The following HDAC9 variants were observed in gnomAD, a reference collection of about 807,000 sequenced individuals.
HDAC9 encodes histone deacetylase 9, also known as MEF-2 interacting transcription repressor (MITR) protein.
A neutral mutation model predicts 139.4 loss-of-function variants in HDAC9; 41 were observed. The ratio of observed to expected loss-of-function variants is 0.29; its 90% confidence interval spans 0.23 to 0.38. The LOEUF (loss-of-function observed/expected upper bound fraction) is 0.38. Ranked by LOEUF, HDAC9 falls within the 10% of genes least tolerant of loss-of-function variation. The probability of loss-of-function intolerance (pLI) is 1.00; values close to 1 mark genes in which losing one functional copy is unlikely to be tolerated. For missense variants in HDAC9, 1,147 were observed against 1,297.0 expected (o/e 0.88, Z 1.78); for synonymous variants, 517 against 476.2 (o/e 1.09, Z -1.12).
intron 24 of HDAC9, among the ~76,000 whole-genome samples, chr7:18,967,825 C>T (rs1342242296): frequency 6.6e-6 from 1 of 152,012 alleles, no homozygotes; most frequent in African/African-American, 2.4e-5. Flanking sequence ...AAATAAAATA[C>T]ACTGTTTTAG....
At chr7:18,856,776 A>C (rs1797713160) in intron 21 of HDAC9, among the ~76,000 whole-genome samples, 1 of 152,150 alleles carries the variant, frequency 6.6e-6, no homozygotes, top group Admixed American at 6.6e-5. Context: ...GGTGAATGTG[A>C]ACAATACAAT....
Position 18,357,322 on chromosome 7 carries a change from A to T in HDAC9, c.-42+66807A>T, listed in dbSNP as rs183390712. On this transcript the variant is annotated intron_variant, in intron 1 of 3. Coordinates refer to the HDAC9 transcript ENST00000413509. Reference sequence around the variant, plus strand: ...TGAACAGACCTTTAAGCTGTGATTTAAAAAAATCGTATTTGGGTGATCCTA... The same window carrying T: ...TGAACAGACCTTTAAGCTGTGATTTTAAAAAATCGTATTTGGGTGATCCTA... 7.9e-5 allele frequency among the ~76,000 whole-genome samples: 12 copies of T among 152,260 alleles called. No homozygotes were observed. The East Asian group carries it at 9.6e-4, about 12-fold the overall frequency.
At chr7:18,246,181 C>T (rs138425221) in intron 2 of HDAC9, among the ~76,000 whole-genome samples, 8 of 148,856 alleles carry the variant, frequency 5.4e-5, no homozygotes, top group Non-Finnish European at 8.9e-5. Context: ...AAGGGAGATA[C>T]AGAGTAAGGA....
At chr7:18,929,767 G>A (rs558224969) in intron 22 of HDAC9, among the ~76,000 whole-genome samples, 11 of 151,924 alleles carry the variant, frequency 7.2e-5, no homozygotes, top group Admixed American at 2.0e-4. Flanking sequence ...TGGTGAAACC[G>A]CGTCTCTACT....
intron 2 of HDAC9, among the ~76,000 whole-genome samples, chr7:18,511,470 G>A (rs551433544): frequency 2.6e-5 from 4 of 152,250 alleles, no homozygotes; most frequent in African/African-American, 9.6e-5. Context: ...AGTGGTTCAT[G>A]CCTTTAATTC....
Position 18,647,026 on chromosome 7 carries a change from T to A in HDAC9, c.1036-759T>A, listed in dbSNP as rs561028043. ...TATTTTAAGAATTTAATTTAAAAAA[T>A]TAAACATTGGACACTTACAGCTCTG... On this transcript the variant is annotated intron_variant, in intron 9 of 25. Transcript: ENST00000686413. Among the ~76,000 whole-genome samples the A allele has an allele frequency of 8.5e-5, 13 of 152,248 alleles. No homozygotes were observed. The South Asian group carries it at 2.5e-3, about 29-fold the overall frequency.
At position 18,107,159 on chromosome 7, in the gene HDAC9, T is replaced by G. The variant is rs183242081; in HGVS notation, c.-97+19946T>G. 4.7e-5 allele frequency among the ~76,000 whole-genome samples: 7 copies of G among 149,396 alleles called. No homozygotes were observed. The East Asian group carries it at 1.4e-3, about 30-fold the overall frequency. ...CCCCTCTCCCCTGCCCTGTGTAGAT[T>G]AGGAGCAAACCTAGGGTGTTTGCGC... On this transcript the variant is annotated intron_variant, in intron 1 of 12. Transcript: ENST00000417496.
chr7:18,444,189 A>AG (rs1792069330), intron 1 of HDAC9, among the ~76,000 whole-genome samples: 1 of 151,728 alleles, frequency 6.6e-6, no homozygotes, highest in Non-Finnish European at 1.5e-5. Context: ...AAATACAAAA[A>AG]TTAGCCAAGC....
At chr7:18,296,424 T>TTGTGTG (rs60293429) in intron 1 of HDAC9, among the ~76,000 whole-genome samples, 7 of 150,496 alleles carry the variant, frequency 4.7e-5, no homozygotes, top group African/African-American at 1.5e-4. Context: ...TAGCTCATAT[T>TTGTGTG]TGTGTGTGTG....
intron 23 of HDAC9, among the ~76,000 whole-genome samples, chr7:18,941,625 C>T (rs973731715): frequency 6.6e-6 from 1 of 152,082 alleles, no homozygotes; most frequent in Non-Finnish European, 1.5e-5. Context: ...AAATAGTTGC[C>T]ATTCATGAGT....
chr7:18,723,764 G>A (rs965234806), intron 12 of HDAC9, among the ~76,000 whole-genome samples: 2 of 151,748 alleles, frequency 1.3e-5, no homozygotes, highest in African/African-American at 2.4e-5. Flanking sequence ...GAGTCCTTAC[G>A]GTATCAAACT....
At chr7:18,475,100 G>T (rs1225032079) in intron 1 of HDAC9, among the ~76,000 whole-genome samples, 1 of 152,218 alleles carries the variant, frequency 6.6e-6, no homozygotes, top group Non-Finnish European at 1.5e-5. Flanking sequence ...TAGTGTCATG[G>T]TCAGGAGGAA....
chr7:18,793,300 T>A (rs1792495059), intron 16 of HDAC9, 45 bp from the exon 17 acceptor site: 1 of 1,334,974 alleles, frequency 7.5e-7, no homozygotes, highest in Admixed American at 2.0e-5. Flanking sequence ...TCCTTCTCTT[T>A]CGCTTTCTTC....
At chr7:18,131,510 T>C (rs1002823122) in intron 1 of HDAC9, among the ~76,000 whole-genome samples, 1 of 152,230 alleles carries the variant, frequency 6.6e-6, no homozygotes, top group African/African-American at 2.4e-5. Flanking sequence ...AATCTTCATT[T>C]GTTTTTGGCT....
chr7:18,442,445 G>A (rs1026521295), intron 1 of HDAC9, among the ~76,000 whole-genome samples: 1 of 152,162 alleles, frequency 6.6e-6, no homozygotes, highest in Non-Finnish European at 1.5e-5. Flanking sequence ...TCAAAGCTGA[G>A]ACTTCCACTC....
intron 1 of HDAC9, among the ~76,000 whole-genome samples, chr7:18,372,754 G>A (rs1367001983): frequency 6.6e-6 from 1 of 151,382 alleles, no homozygotes; most frequent in Non-Finnish European, 1.5e-5. Context: ...AACAGCTTCT[G>A]GCAGACTTGG....
rs534602237 is a variant in HDAC9 at position 18,646,537 on chromosome 7, G to C, written c.1036-1248G>C. 6.2e-4 allele frequency among the ~76,000 whole-genome samples: 94 copies of C among 152,214 alleles called. 1 individual carries two copies. The highest frequency in any genetic ancestry group is 2.1e-3 in the African/African-American group (88 of 41,562). ...ACATTGAATACTGGGAAATTTTAAG[G>C]AAAAGAGGCCAGGACAAGGAATCAC... On this transcript the variant is annotated intron_variant, in intron 9 of 25. Transcript: ENST00000686413.
chr7:18,285,664 A>G (rs1797389859), upstream of HDAC9, among the ~76,000 whole-genome samples: 1 of 152,044 alleles, frequency 6.6e-6, no homozygotes, highest in Non-Finnish European at 1.5e-5. Context: ...ATGTTTCATA[A>G]TTTACATTTA....
At chr7:18,446,562 A>T (rs928187322) in intron 1 of HDAC9, among the ~76,000 whole-genome samples, 2 of 152,188 alleles carry the variant, frequency 1.3e-5, no homozygotes, top group Non-Finnish European at 2.9e-5. Context: ...TTTCAAATAT[A>T]TTATGGGTAA....
Sources: gnomAD v4.1 joint callset for allele counts (sites outside exome capture counted in the v4.1 genomes callset) on GRCh38, gnomAD v4.1.1 for gene constraint, MANE v1.5 for transcripts, NCBI Gene and HGNC (gene_info 2026-07-23, HGNC 2026-07-21) for gene names.